The following DDHD1 variants were observed in gnomAD, a reference collection of about 807,000 sequenced individuals.
DDHD1 encodes the protein DDHD domain containing 1.
In DDHD1, 49 loss-of-function variants were observed where a neutral mutation model predicts 96.4. The ratio of observed to expected loss-of-function variants is 0.51; its 90% CI spans 0.40 to 0.64. The LOEUF is 0.64. Among genes scored for constraint, DDHD1 ranks in the 30% least tolerant of loss-of-function variants. The pLI is 0.00. For missense variants in DDHD1, 1,106 were observed against 1,161.2 expected (o/e 0.95, Z 0.69); for synonymous variants, 442 against 446.5 (o/e 0.99, Z 0.13).
At chr14:53,149,479 C>T (rs959029715) in intron 1 of DDHD1, among the ~76,000 whole-genome samples, 14 of 152,104 alleles carry the variant, frequency 9.2e-5, no homozygotes, top group Admixed American at 3.3e-4. Flanking sequence ...AGAACCCATA[C>T]GGGGACTGGA....
intron 4 of DDHD1, among the ~76,000 whole-genome samples, chr14:53,091,561 C>G (rs1291709926): frequency 6.6e-6 from 1 of 152,200 alleles, no homozygotes; most frequent in Non-Finnish European, 1.5e-5. Flanking sequence ...CCTTATCCCT[C>G]TTCTCCATAC....
chr14:53,115,705 C>T (rs1187437473), intron 1 of DDHD1, among the ~76,000 whole-genome samples: 1 of 63,786 alleles, frequency 1.6e-5, no homozygotes, highest in East Asian at 5.0e-3. Flanking sequence ...CCAAGCCTGC[C>T]TTACAAGAAC....
chr14:53,064,689 G>A (rs988942608), intron 6 of DDHD1, among the ~76,000 whole-genome samples: 5 of 152,116 alleles, frequency 3.3e-5, no homozygotes, highest in Admixed American at 6.5e-5. Context: ...TTATACACTT[G>A]AAGAGAAATG....
At chr14:53,103,402 T>TA (rs1259698057) in intron 2 of DDHD1, 3 of 359,956 alleles carry the variant, frequency 8.3e-6, no homozygotes. Flanking sequence ...AAAAAATTAC[T>TA]AAAAAAGATT....
At chr14:53,152,123 C>CTGGTGT in intron 1 of DDHD1, 138 bp downstream of exon 1, 1 of 842,128 alleles carries the variant, frequency 1.2e-6, no homozygotes, top group Non-Finnish European at 1.7e-6. Flanking sequence ...GCTCCCTGCT[C>CTGGTGT]AATCTCCATC....
At chr14:53,100,631 A>G (rs1310348353) in intron 2 of DDHD1, among the ~76,000 whole-genome samples, 1 of 152,178 alleles carries the variant, frequency 6.6e-6, no homozygotes, top group East Asian at 1.9e-4. Flanking sequence ...CTGTACAGCT[A>G]ATCTGTTTGT....
chr14:53,149,477 T>C (rs1280241043), intron 1 of DDHD1, among the ~76,000 whole-genome samples: 1 of 152,190 alleles, frequency 6.6e-6, no homozygotes, highest in Non-Finnish European at 1.5e-5. Context: ...GAAGAACCCA[T>C]ACGGGGACTG....
intron 2 of DDHD1, among the ~76,000 whole-genome samples, chr14:53,094,781 C>G (rs1194148929): frequency 6.6e-6 from 1 of 150,938 alleles, no homozygotes; most frequent in Non-Finnish European, 1.5e-5. Flanking sequence ...GAGGTCAAGC[C>G]TGCAATGAGC....
At chr14:53,121,309 A>T (rs562726998) in intron 1 of DDHD1, among the ~76,000 whole-genome samples, 2 of 152,352 alleles carry the variant, frequency 1.3e-5, no homozygotes, top group East Asian at 3.9e-4. Context: ...GTGGAGAAAT[A>T]GGAACACTTT....
chr14:53,085,399 G>A (rs1238861116), intron 4 of DDHD1, among the ~76,000 whole-genome samples: 1 of 152,138 alleles, frequency 6.6e-6, no homozygotes, highest in Non-Finnish European at 1.5e-5. Flanking sequence ...CACACAGCCG[G>A]GTGCCCCTCT....
chr14:53,126,436 C>T (rs1259317918), intron 1 of DDHD1, among the ~76,000 whole-genome samples: 4 of 152,176 alleles, frequency 2.6e-5, no homozygotes, highest in Admixed American at 2.0e-4. Context: ...GGAGCAATCA[C>T]GGGTCACTGC....
chr14:53,037,409 T>G lies in DDHD1; in HGVS notation c.*9359A>C, dbSNP rs1881341286. 1 of 152,152 alleles carries G rather than the reference T, an allele frequency of 6.6e-6. No homozygotes were observed. The highest frequency in any genetic ancestry group is 2.4e-5 in the African/African-American group (1 of 41,454). The allele number at this position is 152,152 out of a possible 1,614,324, so 9.4% of individuals were successfully genotyped here. A position where few individuals can be genotyped will look rare whatever the true frequency, so the allele number is the denominator to read the frequency against. On this transcript the variant is annotated 3_prime_UTR_variant, in exon 13 of 13. Coordinates refer to ENST00000673822, the MANE Select transcript of DDHD1 (RefSeq NM_001160148.2). Reference sequence around the variant, plus strand: ...TGTTCTCTTTTCTCTGAAACCTTACTGGCATGTTATTAGACTTCTTTACAA... The same window carrying G: ...TGTTCTCTTTTCTCTGAAACCTTACGGGCATGTTATTAGACTTCTTTACAA...
intron 1 of DDHD1, among the ~76,000 whole-genome samples, chr14:53,141,637 G>T (rs1348725851): frequency 6.6e-6 from 1 of 152,130 alleles, no homozygotes; most frequent in Non-Finnish European, 1.5e-5. Context: ...TCCAACAGAG[G>T]CAATCAGAAG....
chr14:53,079,464 T>C (rs1234326754), intron 4 of DDHD1, among the ~76,000 whole-genome samples: 1 of 152,190 alleles, frequency 6.6e-6, no homozygotes, highest in African/African-American at 2.4e-5. Flanking sequence ...TTTGTGTCTG[T>C]CTTGGAAAGT....
chr14:53,058,717 AAAT>A, intron 8 of DDHD1, 91 bp from the exon 9 acceptor site: 2 of 1,092,130 alleles, frequency 1.8e-6, no homozygotes, highest in East Asian at 5.3e-5. Flanking sequence ...GGCAAAATAC[AAAT>A]AATAAAATAT....
intron 1 of DDHD1, among the ~76,000 whole-genome samples, chr14:53,144,447 A>G (rs1444223878): frequency 6.6e-6 from 1 of 152,258 alleles, no homozygotes; most frequent in East Asian, 1.9e-4. Context: ...AAAGTGCTTC[A>G]GCAACCACAC....
chr14:53,058,753 T>C, intron 8 of DDHD1, 127 bp from the exon 9 acceptor site: 1 of 837,868 alleles, frequency 1.2e-6, no homozygotes. Flanking sequence ...TCGTTTTTAA[T>C]AAGAGTTATC....
At chr14:53,082,899 CA>C (rs1885611083) in intron 4 of DDHD1, among the ~76,000 whole-genome samples, 1 of 151,670 alleles carries the variant, frequency 6.6e-6, no homozygotes, top group Non-Finnish European at 1.5e-5. Context: ...TTTAAACAAA[CA>C]AACAAACAAA....
chr14:53,055,533 T>C (rs938436653), intron 10 of DDHD1, 127 bp downstream of exon 10: 6 of 870,002 alleles, frequency 6.9e-6, no homozygotes, highest in Non-Finnish European at 1.1e-5. Flanking sequence ...ATTGGGAGGG[T>C]AGTTAATTCT....
Sources: allele counts gnomAD v4.1 joint callset (sites outside exome capture counted in the v4.1 genomes callset), GRCh38; gene constraint gnomAD v4.1.1; transcripts MANE v1.5; gene names NCBI Gene and HGNC (gene_info 2026-07-23, HGNC 2026-07-21).